Variants in ZBTB7C observed in about 807,000 individuals in gnomAD.
ZBTB7C encodes zinc finger and BTB domain-containing protein 7C.
A neutral mutation model predicts 25.7 loss-of-function variants in ZBTB7C; 8 were observed. The ratio of observed to expected loss-of-function variants is 0.31; its 90% confidence interval spans 0.18 to 0.56. The LOEUF (loss-of-function observed/expected upper bound fraction) is 0.56. Among genes scored for constraint, ZBTB7C ranks in the 20% least tolerant of loss-of-function variants. ZBTB7C has a pLI of 0.91. For missense variants in ZBTB7C, 824 were observed against 855.2 expected, an observed-to-expected ratio of 0.96 and a Z score of 0.46; for synonymous variants, 394 against 369.0, an observed-to-expected ratio of 1.07 and a Z score of -0.78.
chr18:48,208,345 G>A (rs528197074), intron 2 of ZBTB7C, among the ~76,000 whole-genome samples: 35 of 152,020 alleles, frequency 2.3e-4, no homozygotes, highest in Non-Finnish European at 4.7e-4. Context: ...CACCAATGCC[G>A]TTCCTGGAGA....
chr18:48,288,493 C>CAA (rs35867063), intron 2 of ZBTB7C, among the ~76,000 whole-genome samples: 51 of 86,434 alleles, frequency 5.9e-4, no homozygotes, highest in Admixed American at 1.7e-3. Context: ...ACTAAAAGTA[C>CAA]AAAAAAAAAA....
chr18:48,357,411 C>T (rs9959975), intron 1 of ZBTB7C, among the ~76,000 whole-genome samples: 135,082 of 152,200 alleles, frequency 0.89, 60,078 homozygotes, highest in East Asian at 0.97. Context: ...CCTCTCCCTC[C>T]CAGGAGCCCT....
intron 2 of ZBTB7C, among the ~76,000 whole-genome samples, chr18:48,263,725 C>G (rs1386467707): frequency 6.7e-6 from 1 of 150,232 alleles, no homozygotes; most frequent in Non-Finnish European, 1.5e-5. Context: ...CAGAAAGGAG[C>G]CAAGGATATA....
chr18:48,140,264 C>T (rs1477808272), intron 3 of ZBTB7C, among the ~76,000 whole-genome samples: 1 of 152,238 alleles, frequency 6.6e-6, no homozygotes, highest in Non-Finnish European at 1.5e-5. Context: ...TGTCTGCACA[C>T]ACGTGCATAA....
At chr18:48,366,559 T>A (rs763907365) in intron 1 of ZBTB7C, among the ~76,000 whole-genome samples, 1 of 152,210 alleles carries the variant, frequency 6.6e-6, no homozygotes, top group East Asian at 1.9e-4. Flanking sequence ...ATTTCCTTGC[T>A]ACGTAATTAT....
chr18:48,347,806 C>G (rs2046775707), intron 1 of ZBTB7C, among the ~76,000 whole-genome samples: 1 of 152,168 alleles, frequency 6.6e-6, no homozygotes, highest in Non-Finnish European at 1.5e-5. Context: ...ATGTTAATAC[C>G]TATGAAAAGG....
intron 2 of ZBTB7C, 135 bp downstream of exon 2, chr18:48,338,039 T>C (rs2046496066): frequency 6.6e-6 from 1 of 152,190 alleles, no homozygotes; most frequent in African/African-American, 2.4e-5. Flanking sequence ...CCATCTATCA[T>C]CTTATCAGGC....
At chr18:48,185,192 T>C (rs993781168) in intron 3 of ZBTB7C, 4 of 333,764 alleles carry the variant, frequency 1.2e-5, no homozygotes, top group Admixed American at 8.5e-5. Flanking sequence ...CCCCTGTTCC[T>C]TCCTTCCTGG....
chr18:48,060,952 C>T (rs1463973417), intron 3 of ZBTB7C, among the ~76,000 whole-genome samples: 2 of 152,034 alleles, frequency 1.3e-5, no homozygotes. Context: ...AACCCAGTCG[C>T]ATCCAACCCC....
At chr18:48,215,128 T>C (rs1364881710) in intron 2 of ZBTB7C, among the ~76,000 whole-genome samples, 2 of 152,224 alleles carry the variant, frequency 1.3e-5, no homozygotes, top group Non-Finnish European at 2.9e-5. Context: ...AAAAGACCAG[T>C]TCCAATAATC....
At position 48,066,460 on chromosome 18, in the gene ZBTB7C, G is replaced by A. The variant is rs151141347; in HGVS notation, c.-16-25337C>T. Among the ~76,000 whole-genome samples the A allele has an allele frequency of 5.7e-4, 87 of 152,350 alleles. 1 individual carries two copies. The highest frequency in any genetic ancestry group is 2.1e-3 in the African/African-American group (87 of 41,580). On this transcript the variant is annotated intron_variant, in intron 3 of 4. Transcript: ENST00000590800. ...AAGCCATGTTTAGTGCTGAGTGAGA[G>A]GCGAGTGTGCAGAGACCATATCTGT...
chr18:48,121,151 C>T (rs1320764518), intron 3 of ZBTB7C, among the ~76,000 whole-genome samples: 1 of 152,210 alleles, frequency 6.6e-6, no homozygotes. Context: ...AAAGCTGTCC[C>T]TCGAAGACAG....
At chr18:48,220,873 T>C (rs1458618543) in intron 2 of ZBTB7C, among the ~76,000 whole-genome samples, 1 of 152,026 alleles carries the variant, frequency 6.6e-6, no homozygotes, top group African/African-American at 2.4e-5. Context: ...TAGTCTCCTC[T>C]ACATTGTCCC....
chr18:48,402,393 T>C (rs865956625), intron 1 of ZBTB7C, among the ~76,000 whole-genome samples: 16 of 152,184 alleles, frequency 1.1e-4, no homozygotes, highest in Admixed American at 3.3e-4. Flanking sequence ...ACACGATGAC[T>C]TAGTAATGTG....
intron 2 of ZBTB7C, among the ~76,000 whole-genome samples, chr18:48,193,262 T>G (rs141232812): frequency 2.6e-5 from 4 of 152,240 alleles, no homozygotes; most frequent in African/African-American, 9.6e-5. Context: ...AATTCACTCT[T>G]TCTGAGAATA....
chr18:48,092,102 A>G (rs1199738023), intron 3 of ZBTB7C, among the ~76,000 whole-genome samples: 1 of 152,238 alleles, frequency 6.6e-6, no homozygotes, highest in African/African-American at 2.4e-5. Context: ...CATCCACCCA[A>G]TCAGCCCAAG....
intron 3 of ZBTB7C, among the ~76,000 whole-genome samples, chr18:48,042,558 G>A (rs1303512574): frequency 6.6e-6 from 1 of 152,198 alleles, no homozygotes; most frequent in Non-Finnish European, 1.5e-5. Context: ...GAGGGGAGGA[G>A]TGAGAAGTAT....
chr18:48,362,141 C>T (rs1183417328), intron 1 of ZBTB7C, among the ~76,000 whole-genome samples: 2 of 152,202 alleles, frequency 1.3e-5, no homozygotes, highest in African/African-American at 4.8e-5. Context: ...AACTGGAGGA[C>T]AAGACCTCAC....
intron 3 of ZBTB7C, among the ~76,000 whole-genome samples, chr18:48,056,853 TCATAAAAGA>T (rs2036932164): frequency 6.6e-6 from 1 of 151,758 alleles, no homozygotes; most frequent in Admixed American, 6.6e-5. Flanking sequence ...AACCCAGAAG[TCATAAAAGA>T]TTTGTTAAAT....
Sources: allele counts gnomAD v4.1 joint callset (sites outside exome capture counted in the v4.1 genomes callset), GRCh38; gene constraint gnomAD v4.1.1; transcripts MANE v1.5; gene names NCBI Gene and HGNC (gene_info 2026-07-23, HGNC 2026-07-21).